WDR64: variants seen among roughly 807,000 people sequenced by gnomAD.
The protein encoded by WDR64 is WD repeat domain 64.
In WDR64, 112 loss-of-function variants were observed where a neutral mutation model predicts 139.3. That is an observed-to-expected ratio of 0.80 (90% CI 0.69 to 0.94). The LOEUF is 0.94. WDR64 is among the 40% of genes least tolerant of loss of function. The probability of loss-of-function intolerance (pLI) is 0.00; values close to 1 mark genes in which losing one functional copy is unlikely to be tolerated. For synonymous variants in WDR64, 444 were observed against 437.7 expected (o/e 1.01, Z -0.18); for missense variants, 1,206 against 1,293.1 (o/e 0.93, Z 1.03).
intron 27 of WDR64, among the ~76,000 whole-genome samples, chr1:241,799,193 T>C (rs113841319): frequency 0.011 from 441 of 41,696 alleles, 3 homozygotes; most frequent in African/African-American, 0.068. Context: ...CAGTGAGACT[T>C]TGTCTCTCCA....
intron 2 of WDR64, among the ~76,000 whole-genome samples, chr1:241,664,081 GT>G (rs992487397): frequency 3.9e-5 from 6 of 152,178 alleles, no homozygotes; most frequent in African/African-American, 1.2e-4. Flanking sequence ...AGAAATGATT[GT>G]TTTTTTCCTA....
chr1:241,782,957 A>G (rs993107818), intron 22 of WDR64, among the ~76,000 whole-genome samples: 2 of 152,172 alleles, frequency 1.3e-5, no homozygotes, highest in African/African-American at 4.8e-5. Flanking sequence ...CTCCTAAAGC[A>G]TCTCTTTCCT....
intron 8 of WDR64, among the ~76,000 whole-genome samples, chr1:241,693,265 T>C (rs1667371099): frequency 6.6e-6 from 1 of 152,126 alleles, no homozygotes; most frequent in Admixed American, 6.5e-5. Context: ...TAAAAAGACA[T>C]GGAGGACCCT....
At chr1:241,778,686 C>T (rs61827117) in intron 21 of WDR64, among the ~76,000 whole-genome samples, 16,293 of 152,128 alleles carry the variant, frequency 0.11, 1,218 homozygotes, top group Non-Finnish European at 0.16. Flanking sequence ...TCCTTTTAAA[C>T]ATTTTTTAGT....
chr1:241,734,137 C>G (rs1669201439), intron 10 of WDR64, among the ~76,000 whole-genome samples: 1 of 152,134 alleles, frequency 6.6e-6, no homozygotes, highest in African/African-American at 2.4e-5. Context: ...AAAGGCTCAT[C>G]AGAAACTTAA....
At chr1:241,737,567 C>T (rs1162906233) in intron 10 of WDR64, among the ~76,000 whole-genome samples, 1 of 152,146 alleles carries the variant, frequency 6.6e-6, no homozygotes, top group African/African-American at 2.4e-5. Flanking sequence ...AATGTAATTT[C>T]CCCCCAGCTT....
Position 241,794,730 on chromosome 1 carries a change from A to G in WDR64, c.2998-477A>G, listed in dbSNP as rs6429317. Among the ~76,000 whole-genome samples the G allele has an allele frequency of 9.8e-3, 1,485 of 152,064 alleles. 19 individuals carry two copies. Among genetic ancestry groups the G allele is most frequent in the African/African-American group, 0.034 (1,416 of 41,484 alleles). ...CACCATGTTGGCCAGGATGGTCTCA[A>G]TCTTTTGACCTCGTGATCTGCCCGC... On this transcript the variant is annotated intron_variant, in intron 25 of 27. Coordinates refer to ENST00000437684, the MANE Select transcript of WDR64 (RefSeq NM_001367482.1).
At chr1:241,754,593 C>T (rs1279724755) in intron 14 of WDR64, among the ~76,000 whole-genome samples, 1 of 152,256 alleles carries the variant, frequency 6.6e-6, no homozygotes, top group African/African-American at 2.4e-5. Flanking sequence ...GCTGGAATTA[C>T]AGGCGTCAGC....
At chr1:241,779,418 C>G (rs1447107258) in intron 21 of WDR64, among the ~76,000 whole-genome samples, 3 of 152,158 alleles carry the variant, frequency 2.0e-5, no homozygotes, top group Non-Finnish European at 4.4e-5. Context: ...AGAGTTTGGA[C>G]TCTGTTTGGT....
At chr1:241,678,810 C>T (rs1162962584) in intron 5 of WDR64, among the ~76,000 whole-genome samples, 5 of 117,258 alleles carry the variant, frequency 4.3e-5, no homozygotes, top group Admixed American at 1.3e-4. Flanking sequence ...TGCTGCCTGG[C>T]AAAGGAGTCT....
intron 20 of WDR64, among the ~76,000 whole-genome samples, chr1:241,773,153 T>C (rs1397717164): frequency 1.3e-5 from 2 of 152,180 alleles, no homozygotes; most frequent in East Asian, 1.9e-4. Context: ...ACTGCTAACT[T>C]AGCTATTTCA....
chr1:241,691,792 T>A (rs904116167), intron 8 of WDR64, among the ~76,000 whole-genome samples: 13 of 152,160 alleles, frequency 8.5e-5, no homozygotes, highest in Non-Finnish European at 2.9e-5. Flanking sequence ...GGCGGGCAGA[T>A]CACCTGTGCT....
chr1:241,731,357 AT>A (rs1234492539), intron 10 of WDR64, among the ~76,000 whole-genome samples: 1 of 151,896 alleles, frequency 6.6e-6, no homozygotes, highest in Non-Finnish European at 1.5e-5. Context: ...AAAAAAAAAA[AT>A]GAGATAAATC....
At chr1:241,711,677 G>A in intron 8 of WDR64, 125 bp from the exon 9 acceptor site, 1 of 868,340 alleles carries the variant, frequency 1.2e-6, no homozygotes, top group South Asian at 1.6e-5. Context: ...TTGTAATACG[G>A]CCTGGGGGCA....
intron 2 of WDR64, among the ~76,000 whole-genome samples, chr1:241,668,571 T>C (rs1360361495): frequency 6.6e-6 from 1 of 151,832 alleles, no homozygotes; most frequent in Non-Finnish European, 1.5e-5. Context: ...ACCTGACTAA[T>C]CTTAGAAAAA....
intron 10 of WDR64, among the ~76,000 whole-genome samples, chr1:241,728,043 G>T (rs1668917247): frequency 6.6e-6 from 1 of 151,222 alleles, no homozygotes; most frequent in African/African-American, 2.4e-5. Flanking sequence ...AGAAAGAAGA[G>T]CAAACTGGGC....
In WDR64 at chr1:241,748,800, T is replaced by C. The variant is rs564096446; in HGVS notation, c.1595-747T>C. Among the ~76,000 whole-genome samples, 37 of 150,054 alleles carry C rather than the reference T, an allele frequency of 2.5e-4. No individual in the cohort carries two copies. In the South Asian group the frequency reaches 3.0e-3, roughly 12 times the overall value. On this transcript the variant is annotated intron_variant, in intron 13 of 27. Transcript: ENST00000437684. ...TGGAAATACAGAAAAATTAGCCGGG[T>C]GTGGTGGTGGGCGCCTGCAGTCCCA...
At chr1:241,658,284 G>GGGGTGT (rs113119567) in intron 1 of WDR64, among the ~76,000 whole-genome samples, 4 of 147,164 alleles carry the variant, frequency 2.7e-5, no homozygotes, top group Non-Finnish European at 6.0e-5. Flanking sequence ...TTCAAGCAAT[G>GGGGTGT]GTGTGTGTGT....
rs567375247 is a variant in WDR64 at position 241,687,944 on chromosome 1, G to A, written c.974+349G>A. On this transcript the variant is annotated intron_variant, in intron 8 of 27. Coordinates refer to ENST00000437684, the MANE Select transcript of WDR64 (RefSeq NM_001367482.1). ...TTACAGGTCAGTTGGCTAACCAAGAGCTTGTGAGTATGATCTGTAGACCAG... is the reference window on the plus strand; with the variant it reads ...TTACAGGTCAGTTGGCTAACCAAGAACTTGTGAGTATGATCTGTAGACCAG... 3.9e-5 allele frequency among the ~76,000 whole-genome samples: 6 copies of A among 152,318 alleles called. No homozygotes were observed. The South Asian group carries it at 1.2e-3, about 32-fold the overall frequency.
Sources: allele counts gnomAD v4.1 joint callset (sites outside exome capture counted in the v4.1 genomes callset), GRCh38; gene constraint gnomAD v4.1.1; transcripts MANE v1.5; gene names NCBI Gene and HGNC (gene_info 2026-07-23, HGNC 2026-07-21).